The following CCDC102A variants were observed in gnomAD, a reference collection of about 807,000 sequenced individuals.
CCDC102A encodes the protein coiled-coil domain containing 102A, also known as coiled-coil domain-containing protein 102A.
A neutral mutation model predicts 55.5 loss-of-function variants in CCDC102A; 40 were observed. The observed-to-expected ratio is 0.72, with a 90% CI of 0.56 to 0.94. The LOEUF (loss-of-function observed/expected upper bound fraction) is 0.94. Among genes scored for constraint, CCDC102A ranks in the 40% least tolerant of loss-of-function variants. CCDC102A has a pLI of 0.00. For missense variants in CCDC102A, 779 were observed against 768.6 expected (o/e 1.01, Z -0.16); for synonymous variants, 323 against 339.0 (o/e 0.95, Z 0.52).
chr16:57,524,611 G>A (rs2032104938), intron 3 of CCDC102A, among the ~76,000 whole-genome samples: 1 of 151,768 alleles, frequency 6.6e-6, no homozygotes, highest in South Asian at 2.1e-4. Context: ...AGAGAGACAG[G>A]GTCTTGCTGT....
chr16:57,532,262 C>G (rs2032280609), intron 1 of CCDC102A, among the ~76,000 whole-genome samples: 1 of 152,156 alleles, frequency 6.6e-6, no homozygotes, highest in Non-Finnish European at 1.5e-5. Context: ...TTTGGCGATG[C>G]TTTCTTACTA....
At position 57,515,449 on chromosome 16, in the gene CCDC102A, G is replaced by C; in HGVS notation, c.1420-5C>G. The C allele has an allele frequency of 6.3e-7, 1 of 1,592,398 alleles. No individual in the cohort carries two copies. The highest frequency in any genetic ancestry group is 8.5e-7 in the Non-Finnish European group (1 of 1,170,516). On this transcript the variant is annotated splice_polypyrimidine_tract_variant and splice_region_variant and intron_variant, in intron 7 of 8. Coordinates refer to ENST00000258214, the MANE Select transcript of CCDC102A (RefSeq NM_033212.4). ...CTGGTTGTGGGCCTCGTCCAGCTGT[G>C]GGGGTGAGCAGGGCCGAAAGCACGA...
chr16:57,518,041 C>T (rs1269704045), intron 6 of CCDC102A, 27 bp downstream of exon 6: 14 of 1,572,612 alleles, frequency 8.9e-6, no homozygotes, highest in Non-Finnish European at 1.2e-5. Flanking sequence ...GCAGCCCCAG[C>T]ACTGGCCACT....
At position 57,526,239 on chromosome 16, in the gene CCDC102A, T is replaced by G. The variant is rs555967461; in HGVS notation, c.586-112A>C. 2.1e-4 allele frequency: 154 copies of G among 731,400 alleles called. 1 individual carries two copies. The South Asian group carries it at 2.6e-3, about 12-fold the overall frequency. 45.3% of individuals were successfully genotyped at this position (731,400 alleles called of 1,614,324 possible). On this transcript the variant is annotated intron_variant, in intron 2 of 8. Coordinates refer to ENST00000258214, the MANE Select transcript of CCDC102A (RefSeq NM_033212.4). ...GTCACACAGTGTCTCTGGGCCTCAGTTTCCTCTTCTGCTGCCTGCCTCTCC... is the reference window on the plus strand; with the variant it reads ...GTCACACAGTGTCTCTGGGCCTCAGGTTCCTCTTCTGCTGCCTGCCTCTCC...
intron 3 of CCDC102A, among the ~76,000 whole-genome samples, chr16:57,522,102 T>C (rs1598073833): frequency 6.6e-6 from 1 of 152,246 alleles, no homozygotes; most frequent in South Asian, 2.1e-4. Flanking sequence ...CACTGGACAT[T>C]GCTCGGGGTA....
intron 3 of CCDC102A, among the ~76,000 whole-genome samples, chr16:57,522,233 C>A (rs2146705131): frequency 6.6e-6 from 1 of 152,322 alleles, no homozygotes; most frequent in East Asian, 1.9e-4. Context: ...GAAGACTGCA[C>A]TTTTCTTTGT....
Position 57,528,589 on chromosome 16 carries a change from G to A in CCDC102A, c.585+4C>T, listed in dbSNP as rs767484403. The stretch of plus-strand genomic sequence containing the variant: ...AGCGCGAACGCCCCGCCCGCGCCGC[G>A]CACCTGGCTGCCTGGCGGCCTCTCG... On this transcript the variant is annotated splice_donor_region_variant and intron_variant, in intron 2 of 8. Transcript: ENST00000258214. The A allele has an allele frequency of 4.8e-6, 6 of 1,246,400 alleles. No individual in the cohort carries two copies. Among genetic ancestry groups the A allele is most frequent in the Non-Finnish European group, 3.0e-6 (3 of 988,214 alleles). 77.2% of individuals were successfully genotyped at this position (1,246,400 alleles called of 1,614,324 possible). A position where few individuals can be genotyped will look rare whatever the true frequency, so the allele number is the denominator to read the frequency against.
chr16:57,521,239 G>T, intron 3 of CCDC102A, 63 bp from the exon 4 acceptor site: 1 of 1,297,292 alleles, frequency 7.7e-7, no homozygotes, highest in Non-Finnish European at 1.1e-6. Context: ...TCCTCACCAA[G>T]GGTGGCCCTG....
At position 57,521,058 on chromosome 16, in the gene CCDC102A, C is replaced by T; in HGVS notation, c.921+10G>A. The T allele has an allele frequency of 6.2e-7, 1 of 1,606,022 alleles. No homozygotes were observed. The highest frequency in any genetic ancestry group is 8.5e-7 in the Non-Finnish European group (1 of 1,173,216). ...GCCTCCAGGAAGACCCTCTGGTCTCCAAGACTCACCTGCTTGAGCATCTCC... is the reference window on the plus strand; with the variant it reads ...GCCTCCAGGAAGACCCTCTGGTCTCTAAGACTCACCTGCTTGAGCATCTCC... On this transcript the variant is annotated intron_variant, in intron 4 of 8. Coordinates refer to ENST00000258214, the MANE Select transcript of CCDC102A (RefSeq NM_033212.4).
chr16:57,523,420 G>C (rs2032083230), intron 3 of CCDC102A, among the ~76,000 whole-genome samples: 1 of 151,940 alleles, frequency 6.6e-6, no homozygotes, highest in South Asian at 2.1e-4. Flanking sequence ...ATGCAACAAT[G>C]TCCGCAAAAG....
chr16:57,527,418 C>CTTTT (rs779320962), intron 2 of CCDC102A, among the ~76,000 whole-genome samples: 3 of 87,518 alleles, frequency 3.4e-5, no homozygotes, highest in Admixed American at 9.4e-5. Flanking sequence ...ATTGCTGCTG[C>CTTTT]TTTTTTTTTT....
chr16:57,517,744 A>G (rs2031979638), intron 6 of CCDC102A, among the ~76,000 whole-genome samples: 1 of 152,142 alleles, frequency 6.6e-6, no homozygotes, highest in African/African-American at 2.4e-5. Flanking sequence ...GGTGACCATG[A>G]AGCTGTGTGA....
chr16:57,512,705 T>A lies in CCDC102A; in HGVS notation c.*36A>T. The stretch of plus-strand genomic sequence containing the variant: ...CTGGTTAGCCTGGACCCTGGGCAGG[T>A]ATGGGGCGGCCCATCCTGCCCAGCC... On this transcript the variant is annotated 3_prime_UTR_variant, in exon 9 of 9. Transcript: ENST00000258214. The A allele has an allele frequency of 1.9e-6, 3 of 1,594,770 alleles. No individual in the cohort carries two copies. The highest frequency in any genetic ancestry group is 2.6e-6 in the Non-Finnish European group (3 of 1,170,246).
chr16:57,535,331 C>G (rs1048768810), intron 1 of CCDC102A, among the ~76,000 whole-genome samples: 10 of 152,158 alleles, frequency 6.6e-5, no homozygotes, highest in Non-Finnish European at 1.3e-4. Flanking sequence ...TCCCAGGTAG[C>G]CCCATCTTAG....
intron 1 of CCDC102A, among the ~76,000 whole-genome samples, chr16:57,533,492 C>A (rs1306267691): frequency 6.6e-6 from 1 of 151,150 alleles, no homozygotes; most frequent in African/African-American, 2.4e-5. Flanking sequence ...ACACACACAC[C>A]CCCAGGGACC....
chr16:57,532,428 T>G (rs1203130530), intron 1 of CCDC102A, among the ~76,000 whole-genome samples: 2 of 152,172 alleles, frequency 1.3e-5, no homozygotes, highest in Non-Finnish European at 2.9e-5. Context: ...ACCCAGTCTC[T>G]CCGCCTGTGC....
At chr16:57,519,856 C>T (rs964479656) in intron 4 of CCDC102A, among the ~76,000 whole-genome samples, 1 of 152,210 alleles carries the variant, frequency 6.6e-6, no homozygotes, top group Non-Finnish European at 1.5e-5. Flanking sequence ...CCCTCCAGGA[C>T]AGTTTCAGGC....
In CCDC102A at chr16:57,512,257, C is replaced by A; in HGVS notation, c.*484G>T. 1 of 396,648 alleles carries A rather than the reference C, an allele frequency of 2.5e-6. No homozygotes were observed. The highest frequency in any genetic ancestry group is 4.4e-6 in the Non-Finnish European group (1 of 225,422). 24.6% of individuals were successfully genotyped at this position (396,648 alleles called of 1,614,324 possible). On this transcript the variant is annotated 3_prime_UTR_variant, in exon 9 of 9. Coordinates refer to ENST00000258214, the MANE Select transcript of CCDC102A (RefSeq NM_033212.4). ...GCGTCAGGTGCAGGCCGATGCCGTC[C>A]CCCACAACCCCCGCCCACATCTGCC...
intron 2 of CCDC102A, among the ~76,000 whole-genome samples, chr16:57,527,416 TGC>T (rs1160508379): frequency 9.9e-6 from 1 of 100,694 alleles, no homozygotes; most frequent in African/African-American, 9.8e-5. Context: ...ACATTGCTGC[TGC>T]TTTTTTTTTT....
Sources: gnomAD v4.1 joint callset for allele counts (sites outside exome capture counted in the v4.1 genomes callset) on GRCh38, gnomAD v4.1.1 for gene constraint, MANE v1.5 for transcripts, NCBI Gene and HGNC (gene_info 2026-07-23, HGNC 2026-07-21) for gene names.